GLRA1: variants seen among roughly 807,000 people sequenced by gnomAD.
GLRA1 encodes the protein glycine receptor subunit alpha-1.
In GLRA1, 37 loss-of-function variants were observed where a neutral mutation model predicts 48.3. The observed-to-expected ratio is 0.77, with a 90% CI of 0.59 to 1.01. The LOEUF is 1.01. Ranked by LOEUF, GLRA1 falls within the 50% of genes least tolerant of loss-of-function variation. The probability of loss-of-function intolerance (pLI) is 0.00; values close to 1 mark genes in which losing one functional copy is unlikely to be tolerated. For missense variants in GLRA1, 427 were observed against 571.0 expected (o/e 0.75, Z 2.57); for synonymous variants, 196 against 210.7 (o/e 0.93, Z 0.60).
At chr5:151,879,129 C>T (rs941500600) in intron 3 of GLRA1, among the ~76,000 whole-genome samples, 1 of 152,248 alleles carries the variant, frequency 6.6e-6, no homozygotes, top group African/African-American at 2.4e-5. Context: ...TGGGAACCCA[C>T]CCCTTGCATC....
chr5:151,860,629 G>A (rs1388243143), intron 3 of GLRA1, among the ~76,000 whole-genome samples: 3 of 152,154 alleles, frequency 2.0e-5, no homozygotes, highest in African/African-American at 4.8e-5. Context: ...CATCCCATTC[G>A]CTTTTAATAC....
intron 2 of GLRA1, among the ~76,000 whole-genome samples, 181 bp downstream of exon 2, chr5:151,892,130 A>T (rs947779400): frequency 2.0e-5 from 3 of 152,176 alleles, no homozygotes; most frequent in African/African-American, 7.2e-5. Context: ...GCATCCTCTG[A>T]GGCTTTGTCT....
chr5:151,839,098 G>C (rs956687584), intron 7 of GLRA1, among the ~76,000 whole-genome samples: 25 of 152,146 alleles, frequency 1.6e-4, no homozygotes, highest in African/African-American at 4.3e-4. Context: ...GAAGATAGTG[G>C]GATAACATTT....
intron 8 of GLRA1, among the ~76,000 whole-genome samples, chr5:151,827,261 C>G (rs1763298274): frequency 6.6e-6 from 1 of 151,210 alleles, no homozygotes; most frequent in African/African-American, 2.4e-5. Flanking sequence ...GAAGTTCTAT[C>G]TGGCTTGCTG....
intron 8 of GLRA1, among the ~76,000 whole-genome samples, chr5:151,828,250 C>T (rs1406726979): frequency 6.6e-6 from 1 of 152,100 alleles, no homozygotes; most frequent in East Asian, 1.9e-4. Flanking sequence ...AAGAAAAAAG[C>T]TAGGGTGGTT....
chr5:151,916,623 A>G (rs1054577712), intron 1 of GLRA1, among the ~76,000 whole-genome samples: 4 of 152,244 alleles, frequency 2.6e-5, no homozygotes, highest in Non-Finnish European at 5.9e-5. Context: ...CTAGCTATGC[A>G]AAGTTGAGAG....
At chr5:151,896,280 C>A (rs1179788994) in intron 1 of GLRA1, among the ~76,000 whole-genome samples, 1 of 152,120 alleles carries the variant, frequency 6.6e-6, no homozygotes, top group Non-Finnish European at 1.5e-5. Context: ...AATGAAGACC[C>A]CAGGGGGTCA....
intron 7 of GLRA1, among the ~76,000 whole-genome samples, chr5:151,838,391 C>T (rs1183760056): frequency 6.6e-6 from 1 of 152,112 alleles, no homozygotes; most frequent in African/African-American, 2.4e-5. Flanking sequence ...ATTGCTTGAA[C>T]ACAGGAGGCA....
chr5:151,841,173 A>G (rs1218238768), intron 7 of GLRA1, among the ~76,000 whole-genome samples: 2 of 152,156 alleles, frequency 1.3e-5, no homozygotes, highest in Non-Finnish European at 2.9e-5. Context: ...ATCATACAAA[A>G]TATGTTTTCT....
At chr5:151,832,221 CA>C (rs1338616203) in intron 7 of GLRA1, among the ~76,000 whole-genome samples, 3 of 152,152 alleles carry the variant, frequency 2.0e-5, no homozygotes, top group Non-Finnish European at 4.4e-5. Context: ...CTGAAAATTC[CA>C]AAAACCAGAA....
chr5:151,908,591 A>G (rs1754532566), intron 1 of GLRA1, among the ~76,000 whole-genome samples: 1 of 151,978 alleles, frequency 6.6e-6, no homozygotes, highest in South Asian at 2.1e-4. Context: ...CCCAGAGTAG[A>G]CCTGAGTTGA....
intron 1 of GLRA1, among the ~76,000 whole-genome samples, chr5:151,922,744 C>T (rs756280801): frequency 6.6e-6 from 1 of 152,212 alleles, no homozygotes; most frequent in Non-Finnish European, 1.5e-5. Context: ...GACTGAGTCT[C>T]CCTTTTGTGA....
At chr5:151,915,517 A>G (rs1204365957) in intron 1 of GLRA1, among the ~76,000 whole-genome samples, 2 of 152,188 alleles carry the variant, frequency 1.3e-5, no homozygotes, top group East Asian at 1.9e-4. Context: ...CTAGAAAACA[A>G]TGGGACATCC....
chr5:151,841,077 C>G (rs1763702334), intron 7 of GLRA1, among the ~76,000 whole-genome samples: 1 of 152,116 alleles, frequency 6.6e-6, no homozygotes, highest in South Asian at 2.1e-4. Flanking sequence ...GAAGAATGTA[C>G]ATTCTTCTGA....
intron 1 of GLRA1, among the ~76,000 whole-genome samples, chr5:151,900,578 AAACTG>A (rs1406221341): frequency 1.3e-5 from 2 of 152,200 alleles, no homozygotes; most frequent in Non-Finnish European, 2.9e-5. Context: ...ACAGGTGAGA[AAACTG>A]AGGCTTAATC....
intron 8 of GLRA1, 141 bp downstream of exon 8, chr5:151,828,780 A>T: frequency 1.2e-6 from 1 of 853,554 alleles, no homozygotes; most frequent in Non-Finnish European, 1.8e-6. Context: ...TGAGACCTCT[A>T]GGTCTTTAAT....
chr5:151,869,913 T>C (rs1437604419), intron 3 of GLRA1, among the ~76,000 whole-genome samples: 1 of 149,574 alleles, frequency 6.7e-6, no homozygotes, highest in African/African-American at 2.6e-5. Context: ...CCAGGACTTC[T>C]GGTTCCCAAT....
Position 151,869,947 on chromosome 5 carries a change from G to A in GLRA1, c.253-9939C>T, listed in dbSNP as rs903023533. On this transcript the variant is annotated intron_variant, in intron 3 of 8. Coordinates refer to ENST00000274576, the MANE Select transcript of GLRA1 (RefSeq NM_000171.4). ...ATTTCACACTCTTTTGACAATTATA[G>A]GCTGTATCTTCCCATTTAAAAAAAA... Among the ~76,000 whole-genome samples the A allele has an allele frequency of 1.3e-4, 20 of 148,942 alleles. 4 individuals are homozygous for A. The highest frequency in any genetic ancestry group is 5.2e-4 in the African/African-American group (20 of 38,638).
At chr5:151,881,760 A>AC (rs1043063598) in intron 3 of GLRA1, among the ~76,000 whole-genome samples, 1 of 151,722 alleles carries the variant, frequency 6.6e-6, no homozygotes, top group African/African-American at 2.4e-5. Flanking sequence ...CTGGATAGAG[A>AC]CCCCTGTTGC....
Sources: gnomAD v4.1 joint callset for allele counts (sites outside exome capture counted in the v4.1 genomes callset) on GRCh38, gnomAD v4.1.1 for gene constraint, MANE v1.5 for transcripts, NCBI Gene and HGNC (gene_info 2026-07-23, HGNC 2026-07-21) for gene names.